The following INCA1 variants were observed in gnomAD, a reference collection of about 807,000 sequenced individuals.
The protein encoded by INCA1 is inhibitor of CDK, cyclin A1 interacting protein 1.
A neutral mutation model predicts 25.7 loss-of-function variants in INCA1; 28 were observed. The observed-to-expected ratio is 1.09, with a 90% CI of 0.81 to 1.49. The LOEUF is 1.49. Among genes scored for constraint, INCA1 ranks in the 40% most tolerant of loss-of-function variants. The pLI is 0.00. For missense variants in INCA1, 309 were observed against 290.9 expected, an observed-to-expected ratio of 1.06 and a Z score of -0.45; for synonymous variants, 111 against 103.6, an observed-to-expected ratio of 1.07 and a Z score of -0.43.
At position 4,995,035 on chromosome 17, in the gene INCA1, G is replaced by A. The variant is rs944740925; in HGVS notation, c.-38-560C>T. Among the ~76,000 whole-genome samples, 40 of 151,900 alleles carry A rather than the reference G, an allele frequency of 2.6e-4. No homozygotes were observed. In the East Asian group the frequency reaches 3.3e-3, roughly 13 times the overall value. Reference sequence around the variant, plus strand: ...AGTCTGACCAACATGGAGAAACCCCGTCTCTACTAAAAATACAAAATTAGC... The same window carrying A: ...AGTCTGACCAACATGGAGAAACCCCATCTCTACTAAAAATACAAAATTAGC... On this transcript the variant is annotated intron_variant, in intron 1 of 6. Coordinates refer to ENST00000576820, the Ensembl canonical transcript of INCA1.
rs573140441 is a variant in INCA1, at chr17:4,990,560, G to T, written c.45-295C>A. Among the ~76,000 whole-genome samples the T allele has an allele frequency of 1.1e-4, 16 of 152,222 alleles. No individual in the cohort carries two copies. The East Asian group carries it at 3.1e-3, about 29-fold the overall frequency. ...GGCTTCCTGGGCCACATTGGAAGAA[G>T]AAAAATTGTCTTGGGCCACACATAA... On this transcript the variant is annotated intron_variant, in intron 2 of 6. Transcript: ENST00000576820.
chr17:4,988,353 T>TA lies in INCA1; in HGVS notation c.*51dup, dbSNP rs1291490163. 15 of 1,537,354 alleles carry TA rather than the reference T, an allele frequency of 9.8e-6. No individual in the cohort carries two copies. The East Asian group carries it at 3.5e-4, about 35-fold the overall frequency. On this transcript the variant is annotated 3_prime_UTR_variant, in exon 7 of 7. Coordinates refer to ENST00000576820, the Ensembl canonical transcript of INCA1. ...ATGAGGGTGACTCTAGTGACGGAAC[T>TA]AGTCTTGGGTCCCTGGGGCACCACT...
chr17:4,988,927 C>G (rs1973585298), exon 6 of INCA1: 1 of 1,613,852 alleles, frequency 6.2e-7, no homozygotes, highest in African/African-American at 1.3e-5. Context: ...AGAGCTGCCC[C>G]ACTGGGCCTT....
intron 2 of INCA1, 139 bp downstream of exon 2, chr17:4,994,255 A>G: frequency 1.2e-6 from 1 of 803,100 alleles, no homozygotes; most frequent in East Asian, 2.7e-5. Flanking sequence ...TTGTTGAATA[A>G]ATTAATGAAT....
chr17:4,996,375 C>A (rs1229720799), intron 1 of INCA1, among the ~76,000 whole-genome samples: 1 of 150,030 alleles, frequency 6.7e-6, no homozygotes, highest in African/African-American at 2.5e-5. Context: ...GAGTGAGACC[C>A]TGTTTCTAAG....
At chr17:4,992,342 A>T (rs757899336) in intron 2 of INCA1, among the ~76,000 whole-genome samples, 2 of 150,616 alleles carry the variant, frequency 1.3e-5, no homozygotes, top group Non-Finnish European at 3.0e-5. Context: ...GAGTGCAGTG[A>T]CCCAATTATA....
chr17:4,997,501 G>A (rs1482659988), upstream of INCA1: 1 of 152,244 alleles, frequency 6.6e-6, no homozygotes, highest in African/African-American at 2.4e-5. Context: ...AGCACCTGAA[G>A]CAGCTGCGCG....
In INCA1 at chr17:4,991,288, T is replaced by C. The variant is rs528819978; in HGVS notation, c.45-1023A>G. Among the ~76,000 whole-genome samples, 16 of 152,258 alleles carry C rather than the reference T, an allele frequency of 1.1e-4. No individual in the cohort carries two copies. In the South Asian group the frequency reaches 3.3e-3, roughly 32 times the overall value. On this transcript the variant is annotated intron_variant, in intron 2 of 6. Coordinates refer to ENST00000576820, the Ensembl canonical transcript of INCA1. Reference sequence around the variant, plus strand: ...TTCAAAGCCATCCTAGGCCGCAGGTTGGACAAGCTTGCTTTATACCTCATA... The same window carrying C: ...TTCAAAGCCATCCTAGGCCGCAGGTCGGACAAGCTTGCTTTATACCTCATA...
chr17:4,988,739 C>T, intron 6 of INCA1, 40 bp downstream of exon 6: 1 of 1,610,936 alleles, frequency 6.2e-7, no homozygotes, highest in South Asian at 1.1e-5. Context: ...CAGAGACCCA[C>T]ATCACTCCCT....
intron 4 of INCA1, 123 bp from the exon 5 acceptor site, chr17:4,989,747 G>A: frequency 6.5e-7 from 1 of 1,543,918 alleles, no homozygotes; most frequent in Non-Finnish European, 8.9e-7. Context: ...AAAACATGAT[G>A]ACTGATTCAT....
rs1368829361 is a variant in INCA1 at position 4,989,516 on chromosome 17, G to A, written c.307C>T (p.Gln103Ter). ...GCGGGGACTCCCCCAAGGCCCTGCT[G>A]CTGCATTCCTTCCAAACATGGCCTC... Residue 103 changes from glutamine to a stop codon, truncating the protein, a stop_gained, in exon 5 of 7, where the codon CAG becomes TAG. Coordinates refer to ENST00000576820, the Ensembl canonical transcript of INCA1. LOFTEE classifies it high-confidence loss of function. 1 of 1,614,242 alleles carries A rather than the reference G, an allele frequency of 6.2e-7. No homozygotes were observed. Among genetic ancestry groups the A allele is most frequent in the Non-Finnish European group, 8.5e-7 (1 of 1,180,044 alleles).
chr17:4,996,331 C>T (rs1392048433), intron 1 of INCA1, among the ~76,000 whole-genome samples: 1 of 151,086 alleles, frequency 6.6e-6, no homozygotes, highest in East Asian at 1.9e-4. Flanking sequence ...GAGGTAAGAT[C>T]GCACCACTGC....
At chr17:4,994,461 G>A (rs1446776407) in exon 2 of INCA1, 38 of 1,613,260 alleles carry the variant, frequency 2.4e-5, no homozygotes, top group Non-Finnish European at 3.2e-5. Context: ...TGGGTAGTTA[G>A]TCTCCTTTTT....
intron 1 of INCA1, 87 bp from the exon 2 acceptor site, chr17:4,994,562 C>T (rs901076132): frequency 4.0e-5 from 39 of 965,554 alleles, no homozygotes; most frequent in East Asian, 7.7e-5. Flanking sequence ...GAGGCCAAGG[C>T]GGGCGGATCA....
intron 2 of INCA1, among the ~76,000 whole-genome samples, chr17:4,994,184 G>T (rs575246070): frequency 2.0e-5 from 3 of 152,318 alleles, no homozygotes; most frequent in African/African-American, 7.2e-5. Flanking sequence ...CCCCTATCCT[G>T]CTAGTTGCTG....
At chr17:4,994,806 A>G (rs945695870) in intron 1 of INCA1, among the ~76,000 whole-genome samples, 1 of 151,620 alleles carries the variant, frequency 6.6e-6, no homozygotes, top group African/African-American at 2.4e-5. Context: ...AAAAAAAAAA[A>G]AAAAAAAGGC....
At chr17:4,989,506 A>T (rs754645061) in exon 5 of INCA1, 3 of 1,614,126 alleles carry the variant, frequency 1.9e-6, no homozygotes, top group Middle Eastern at 3.3e-4. Flanking sequence ...GACTCCCCCA[A>T]GGCCCTGCTG....
At chr17:4,992,025 C>A (rs546721840) in intron 2 of INCA1, among the ~76,000 whole-genome samples, 2 of 151,960 alleles carry the variant, frequency 1.3e-5, no homozygotes, top group African/African-American at 2.4e-5. Context: ...GAGAGATGAT[C>A]ATACGAAATA....
exon 7 of INCA1, chr17:4,988,239 G>A (rs1973503096): frequency 6.0e-6 from 4 of 667,248 alleles, no homozygotes; most frequent in Non-Finnish European, 2.4e-6. Context: ...GGTTGAGATG[G>A]GAGCCCACGG....
Sources: allele counts gnomAD v4.1 joint callset (sites outside exome capture counted in the v4.1 genomes callset), GRCh38; gene constraint gnomAD v4.1.1; transcripts MANE v1.5; gene names NCBI Gene and HGNC (gene_info 2026-07-23, HGNC 2026-07-21).